ZNF644: variants seen among roughly 807,000 people sequenced by gnomAD.
The protein encoded by ZNF644 is zinc finger protein 644.
Under a neutral mutation model 108.0 loss-of-function variants are expected in ZNF644, and 20 were observed. The ratio of observed to expected loss-of-function variants is 0.19; its 90% CI spans 0.13 to 0.27. ZNF644 has a LOEUF of 0.27. Ranked by LOEUF, ZNF644 falls within the 10% of genes least tolerant of loss-of-function variation. The pLI is 1.00. For synonymous variants in ZNF644, 542 were observed against 539.1 expected (o/e 1.01, Z -0.08); for missense variants, 1,338 against 1,548.9 (o/e 0.86, Z 2.29).
At chr1:90,963,615 C>T (rs1048395165) in intron 2 of ZNF644, among the ~76,000 whole-genome samples, 2 of 152,028 alleles carry the variant, frequency 1.3e-5, no homozygotes, top group African/African-American at 2.4e-5. Context: ...TGAACCATAG[C>T]GACATCTGAC....
intron 1 of ZNF644, among the ~76,000 whole-genome samples, chr1:91,014,888 T>C (rs925664062): frequency 3.9e-5 from 6 of 152,182 alleles, no homozygotes; most frequent in African/African-American, 1.2e-4. Flanking sequence ...TCTCTAGACC[T>C]TCTCAAGATA....
chr1:90,942,470 T>C (rs1652095345), intron 2 of ZNF644, among the ~76,000 whole-genome samples: 1 of 152,154 alleles, frequency 6.6e-6, no homozygotes, highest in South Asian at 2.1e-4. Flanking sequence ...GTCAGCTCTT[T>C]GAGGGCTGGG....
At chr1:90,922,163 A>G (rs1370650802) in intron 4 of ZNF644, among the ~76,000 whole-genome samples, 1 of 152,178 alleles carries the variant, frequency 6.6e-6, no homozygotes, top group Non-Finnish European at 1.5e-5. Flanking sequence ...AACTTCTTTG[A>G]TAAAGCACAC....
intron 2 of ZNF644, among the ~76,000 whole-genome samples, chr1:90,954,451 G>C (rs533748730): frequency 1.5e-4 from 23 of 151,806 alleles, no homozygotes; most frequent in African/African-American, 4.8e-4. Context: ...CTGTTGCCCA[G>C]GATGGAGTGC....
chr1:90,946,370 T>C (rs1025142162), intron 2 of ZNF644, among the ~76,000 whole-genome samples: 1 of 152,038 alleles, frequency 6.6e-6, no homozygotes, highest in African/African-American at 2.4e-5. Context: ...AATAAAATGG[T>C]TCAGAAGGTT....
Position 90,940,640 on chromosome 1 carries a change from G to C in ZNF644, c.714C>G (p.Val238=). The C allele has an allele frequency of 1.2e-6, 2 of 1,613,864 alleles. No individual in the cohort carries two copies. Among genetic ancestry groups the C allele is most frequent in the Non-Finnish European group, 1.7e-6 (2 of 1,179,934 alleles). Reference sequence around the variant, plus strand: ...CTGAGGAAATTCCCGTTACTGTATTGACACAATCATCTTTCACCAATAAAT... The same window carrying C: ...CTGAGGAAATTCCCGTTACTGTATTCACACAATCATCTTTCACCAATAAAT... ...GEDLLVKDDC[V]NTVTGISSGT... The change falls in exon 3 of 6, where the codon GTC becomes GTG. Residue 238 remains valine (V), a synonymous_variant. Transcript: ENST00000337393.
At chr1:91,007,197 C>T in intron 1 of ZNF644, among the ~76,000 whole-genome samples, 1 of 65,378 alleles carries the variant, frequency 1.5e-5, no homozygotes, top group African/African-American at 5.8e-5. Context: ...TTCAATTATT[C>T]TTAATTTCTT....
chr1:90,988,851 C>T (rs1002894024), intron 1 of ZNF644, among the ~76,000 whole-genome samples: 2 of 152,074 alleles, frequency 1.3e-5, no homozygotes, highest in Non-Finnish European at 2.9e-5. Context: ...AGAATGAAGT[C>T]GGACCCTTAC....
chr1:90,957,709 C>A (rs1653890182), intron 2 of ZNF644, among the ~76,000 whole-genome samples: 1 of 152,118 alleles, frequency 6.6e-6, no homozygotes, highest in Admixed American at 6.6e-5. Context: ...CCCCTAATAT[C>A]AGTAAAGAGA....
intron 1 of ZNF644, among the ~76,000 whole-genome samples, chr1:91,012,527 T>C (rs982537810): frequency 6.6e-6 from 1 of 151,896 alleles, no homozygotes; most frequent in African/African-American, 2.4e-5. Context: ...AAAAACTAAT[T>C]TATGGTGATA....
In ZNF644 at chr1:90,940,644, C is replaced by A; in HGVS notation, c.710G>T (p.Cys237Phe). Residue 237 changes from cysteine (C) to phenylalanine (F), a missense_variant, in exon 3 of 6, where the codon TGT (cysteine) becomes TTT (phenylalanine). Coordinates refer to ENST00000337393, the MANE Select transcript of ZNF644 (RefSeq NM_201269.3). ...DGEDLLVKDD[C>F]VNTVTGISSG... ...GGAAATTCCCGTTACTGTATTGACACAATCATCTTTCACCAATAAATCTTC... is the reference window on the plus strand; with the variant it reads ...GGAAATTCCCGTTACTGTATTGACAAAATCATCTTTCACCAATAAATCTTC... The A allele has an allele frequency of 6.2e-7, 1 of 1,613,994 alleles. No homozygotes were observed. The highest frequency in any genetic ancestry group is 8.5e-7 in the Non-Finnish European group (1 of 1,179,956).
chr1:90,977,799 C>T (rs189660530), intron 2 of ZNF644, among the ~76,000 whole-genome samples: 1 of 152,044 alleles, frequency 6.6e-6, no homozygotes, highest in African/African-American at 2.4e-5. Context: ...TACTTATATA[C>T]AGGCAAAAAA....
At chr1:90,988,774 C>A (rs1657357287) in intron 1 of ZNF644, among the ~76,000 whole-genome samples, 1 of 152,146 alleles carries the variant, frequency 6.6e-6, no homozygotes, top group Non-Finnish European at 1.5e-5. Context: ...GGGGCCAATA[C>A]TATACAGAGA....
At chr1:91,002,414 A>C (rs540109324) in intron 1 of ZNF644, among the ~76,000 whole-genome samples, 2 of 152,328 alleles carry the variant, frequency 1.3e-5, no homozygotes, top group South Asian at 4.1e-4. Context: ...ACCTGAGAAA[A>C]ACAAGAAATG....
chr1:90,964,886 T>C (rs936144287), intron 2 of ZNF644, among the ~76,000 whole-genome samples: 4 of 152,196 alleles, frequency 2.6e-5, no homozygotes, highest in African/African-American at 7.2e-5. Context: ...GGAACTATTA[T>C]ATAATGCTGT....
At chr1:91,011,698 A>G (rs1214766620) in intron 1 of ZNF644, among the ~76,000 whole-genome samples, 1 of 152,228 alleles carries the variant, frequency 6.6e-6, no homozygotes, top group African/African-American at 2.4e-5. Flanking sequence ...GCAACTGTCC[A>G]TAAGGTAACA....
intron 1 of ZNF644, among the ~76,000 whole-genome samples, chr1:90,992,236 C>T (rs1250552472): frequency 1.3e-5 from 2 of 152,016 alleles, no homozygotes; most frequent in East Asian, 3.9e-4. Context: ...ATACAGACGT[C>T]AAATCTGTTC....
Position 90,938,923 on chromosome 1 carries a change from C to T in ZNF644, c.2431G>A (p.Val811Ile). The T allele has an allele frequency of 6.2e-7, 1 of 1,614,030 alleles. No homozygotes were observed. Residue 811 changes from valine (V) to isoleucine (I), a missense_variant, in exon 3 of 6, where the codon GTA (valine) becomes ATA (isoleucine). By Grantham distance (29) the Val-to-Ile change is conservative. Around this residue, in one of 6 missense-constraint regions of ZNF644, gnomAD observed 462 missense variants for 472.6 expected, o/e 0.98. Coordinates refer to ENST00000337393, the MANE Select transcript of ZNF644 (RefSeq NM_201269.3). The surrounding 1 kb of genome is among the most constrained non-coding windows in gnomAD (Gnocchi z 4.2). ...KDHRRVAVKR[V>I]IKESKKESSV... The stretch of plus-strand genomic sequence containing the variant: ...CTTTCCTTCTTAGATTCCTTAATTA[C>T]TCTCTTTACAGCTACACGTCTGTGA...
At chr1:91,017,165 C>T (rs1660504243) in intron 1 of ZNF644, among the ~76,000 whole-genome samples, 1 of 152,134 alleles carries the variant, frequency 6.6e-6, no homozygotes, top group African/African-American at 2.4e-5. Flanking sequence ...GTATTTTCAA[C>T]TTAAAAAAAA....
Sources: gnomAD v4.1 joint callset for allele counts (sites outside exome capture counted in the v4.1 genomes callset) on GRCh38, gnomAD v4.1.1 for gene constraint, gnomAD v4.1.1 regional missense constraint, Gnocchi (gnomAD v3.1) non-coding constraint, MANE v1.5 for transcripts, NCBI Gene and HGNC (gene_info 2026-07-23, HGNC 2026-07-21) for gene names.